NAP1L1: variants seen among roughly 807,000 people sequenced by gnomAD.
The protein encoded by NAP1L1 is nucleosome assembly protein 1 like 1.
A neutral mutation model predicts 58.9 loss-of-function variants in NAP1L1; 9 were observed. The observed-to-expected ratio is 0.15, with a 90% CI of 0.09 to 0.27. NAP1L1 has a LOEUF of 0.27. Ranked by LOEUF, NAP1L1 falls within the 10% of genes least tolerant of loss-of-function variation. The pLI is 1.00. For missense variants in NAP1L1, 302 were observed against 458.8 expected, an observed-to-expected ratio of 0.66 and a Z score of 3.12; for synonymous variants, 130 against 138.3, an observed-to-expected ratio of 0.94 and a Z score of 0.42.
intron 1 of NAP1L1, chr12:76,074,547 G>C (rs1231107070): frequency 6.2e-6 from 1 of 162,488 alleles, no homozygotes; most frequent in Non-Finnish European, 1.3e-5. Context: ...ACATTTGCTA[G>C]AATCATAGGA....
At chr12:76,083,025 C>T (rs181358001) in intron 1 of NAP1L1, among the ~76,000 whole-genome samples, 29 of 152,228 alleles carry the variant, frequency 1.9e-4, no homozygotes, top group South Asian at 8.3e-4. Context: ...GTAGTTGTTT[C>T]AAAACTGATC....
intron 1 of NAP1L1, among the ~76,000 whole-genome samples, chr12:76,084,316 G>A (rs1950528911): frequency 6.6e-6 from 1 of 152,138 alleles, no homozygotes; most frequent in African/African-American, 2.4e-5. Context: ...TAGGCCTCCA[G>A]GCCGCGCCAA....
At position 76,048,305 on chromosome 12, in the gene NAP1L1, T is replaced by A; in HGVS notation, c.*124A>T. The A allele has an allele frequency of 9.4e-7, 1 of 1,067,672 alleles. No homozygotes were observed. Among genetic ancestry groups the A allele is most frequent in the Non-Finnish European group, 1.4e-6 (1 of 726,750 alleles). 66.1% of individuals were successfully genotyped at this position (1,067,672 alleles called of 1,614,324 possible). ...ATTGGTCTTTAAAATATCAGTTTCC[T>A]GTCCTTTAAAAAAAAATTACCTAGT... On this transcript the variant is annotated 3_prime_UTR_variant, in exon 15 of 15. Transcript: ENST00000618691.
At chr12:76,068,594 A>G (rs992222418) in intron 3 of NAP1L1, 2 of 220,712 alleles carry the variant, frequency 9.1e-6, no homozygotes, top group Non-Finnish European at 1.8e-5. Flanking sequence ...TATAAGCACC[A>G]CATCACAACC....
At position 76,053,221 on chromosome 12, in the gene NAP1L1, A is replaced by G. The variant is rs771982432; in HGVS notation, c.900T>C (p.Phe300=). 3 of 1,613,982 alleles carry G rather than the reference A, an allele frequency of 1.9e-6. No individual in the cohort carries two copies. Among genetic ancestry groups the G allele is most frequent in the Non-Finnish European group, 2.5e-6 (3 of 1,179,934 alleles). The stretch of plus-strand genomic sequence containing the variant: ...ATTATTTACCTTCAGGAGGGGCAAA[A>G]AAGTTAAAGAAAGAGTCATTGGAAA... ...KTVSNDSFFN[F]FAPPEVPESG... The change falls in exon 10 of 15, where the codon TTT becomes TTC. Residue 300 remains phenylalanine (F), a synonymous_variant. Transcript: ENST00000618691.
intron 1 of NAP1L1, among the ~76,000 whole-genome samples, chr12:76,074,953 T>C (rs891424056): frequency 2.8e-4 from 42 of 152,174 alleles, no homozygotes; most frequent in African/African-American, 8.7e-4. Flanking sequence ...TTACCAGACC[T>C]GAGTAAGTTT....
chr12:76,073,941 C>T, intron 2 of NAP1L1: 2 of 354,012 alleles, frequency 5.6e-6, no homozygotes, highest in South Asian at 7.8e-5. Context: ...ATTTATAATC[C>T]ATTATCATGC....
intron 11 of NAP1L1, among the ~76,000 whole-genome samples, chr12:76,051,512 G>A (rs1235820835): frequency 6.6e-6 from 1 of 152,116 alleles, no homozygotes; most frequent in Non-Finnish European, 1.5e-5. Context: ...TCCTAGTTCA[G>A]AAAGACAATA....
chr12:76,061,605 A>G (rs1949420244), intron 4 of NAP1L1, among the ~76,000 whole-genome samples: 1 of 152,226 alleles, frequency 6.6e-6, no homozygotes, highest in African/African-American at 2.4e-5. Flanking sequence ...CTAGGTTATG[A>G]GTCTCCTAAA....
chr12:76,049,430 T>G, intron 13 of NAP1L1, 180 bp from the exon 14 acceptor site: 1 of 1,534,816 alleles, frequency 6.5e-7, no homozygotes, highest in Non-Finnish European at 8.7e-7. Context: ...CCAACACAAC[T>G]TGAGACATCC....
intron 4 of NAP1L1, among the ~76,000 whole-genome samples, chr12:76,064,438 A>C (rs1055008352): frequency 3.3e-5 from 5 of 152,202 alleles, no homozygotes; most frequent in Non-Finnish European, 5.9e-5. Context: ...CAACATTTAC[A>C]AAAGTAAGAG....
chr12:76,076,720 A>T (rs1239985278), intron 1 of NAP1L1, among the ~76,000 whole-genome samples: 1 of 151,934 alleles, frequency 6.6e-6, no homozygotes, highest in African/African-American at 2.4e-5. Flanking sequence ...TTTCCCATTC[A>T]CCATTACAGT....
intron 4 of NAP1L1, among the ~76,000 whole-genome samples, chr12:76,066,192 T>C (rs1203919609): frequency 6.6e-6 from 1 of 150,800 alleles, no homozygotes; most frequent in Non-Finnish European, 1.5e-5. Context: ...AAAAAGGAAC[T>C]GGAAGCCTAC....
chr12:76,053,087 T>G lies in NAP1L1; in HGVS notation c.936+4A>C, dbSNP rs1000048849. On this transcript the variant is annotated splice_donor_region_variant and intron_variant, in intron 11 of 14. Coordinates refer to ENST00000618691, the MANE Select transcript of NAP1L1 (RefSeq NM_004537.7). ...TTCAATAAATATATAACAATTCAAC[T>G]TACCAGATCTCCACTCTCAGGAACT... The G allele has an allele frequency of 6.2e-7, 1 of 1,605,588 alleles. No individual in the cohort carries two copies. The highest frequency in any genetic ancestry group is 8.5e-7 in the Non-Finnish European group (1 of 1,174,648).
intron 3 of NAP1L1, among the ~76,000 whole-genome samples, chr12:76,067,945 G>A (rs1203938216): frequency 1.3e-5 from 2 of 152,172 alleles, no homozygotes; most frequent in Non-Finnish European, 2.9e-5. Context: ...ATTTCTATGT[G>A]TATGAATAAA....
At chr12:76,056,353 G>A (rs998609950) in intron 6 of NAP1L1, 192 bp from the exon 7 acceptor site, 6 of 533,768 alleles carry the variant, frequency 1.1e-5, no homozygotes, top group Non-Finnish European at 1.6e-5. Context: ...CCCCTCCAAA[G>A]AGAACCACTA....
At chr12:76,071,643 G>A (rs1949958155) in intron 2 of NAP1L1, among the ~76,000 whole-genome samples, 1 of 152,056 alleles carries the variant, frequency 6.6e-6, no homozygotes, top group South Asian at 2.1e-4. Context: ...GATAAGAACT[G>A]GTAGCACCAG....
At chr12:76,058,815 AAT>A (rs1213375255) in intron 6 of NAP1L1, among the ~76,000 whole-genome samples, 2 of 152,210 alleles carry the variant, frequency 1.3e-5, no homozygotes, top group African/African-American at 4.8e-5. Context: ...CCTCACCAAT[AAT>A]ATGTCTCCTT....
intron 9 of NAP1L1, among the ~76,000 whole-genome samples, 162 bp downstream of exon 9, chr12:76,053,608 A>T (rs1948940745): frequency 1.3e-5 from 2 of 152,360 alleles, no homozygotes; most frequent in African/African-American, 4.8e-5. Flanking sequence ...CATGGGTCCA[A>T]GGAGAATTAC....
Sources: allele counts gnomAD v4.1 joint callset (sites outside exome capture counted in the v4.1 genomes callset), GRCh38; gene constraint gnomAD v4.1.1; transcripts MANE v1.5; gene names NCBI Gene and HGNC (gene_info 2026-07-23, HGNC 2026-07-21).